The following ANK1 variants were observed in gnomAD, a reference collection of about 807,000 sequenced individuals.
ANK1 encodes the protein ankyrin 1.
Under a neutral mutation model 210.4 loss-of-function variants are expected in ANK1, and 51 were observed. The ratio of observed to expected loss-of-function variants is 0.24; its 90% CI spans 0.19 to 0.31. The LOEUF (loss-of-function observed/expected upper bound fraction) is 0.31. Ranked by LOEUF, ANK1 falls within the 10% of genes least tolerant of loss-of-function variation. ANK1 has a pLI of 1.00. For missense variants in ANK1, 2,051 were observed against 2,504.4 expected (o/e 0.82, Z 3.86); for synonymous variants, 967 against 1,025.9 (o/e 0.94, Z 1.10).
chr8:41,738,535 C>T (rs902618581), intron 2 of ANK1, among the ~76,000 whole-genome samples: 2 of 152,298 alleles, frequency 1.3e-5, no homozygotes, highest in Middle Eastern at 3.4e-3. Flanking sequence ...TCCAAAAGAG[C>T]ATTTTGTGGA....
chr8:41,709,066 C>A, intron 16 of ANK1, 91 bp from the exon 17 acceptor site: 1 of 1,481,100 alleles, frequency 6.8e-7, no homozygotes, highest in Non-Finnish European at 9.3e-7. Context: ...TGGTTCTTGG[C>A]CGGCTGGACA....
At chr8:41,855,845 C>T (rs1400193958) in intron 1 of ANK1, among the ~76,000 whole-genome samples, 4 of 152,108 alleles carry the variant, frequency 2.6e-5, no homozygotes, top group Admixed American at 1.3e-4. Context: ...CAGCTCCTGG[C>T]TCCCTACCAT....
At chr8:41,764,912 C>T (rs1841402032) in intron 1 of ANK1, among the ~76,000 whole-genome samples, 1 of 152,220 alleles carries the variant, frequency 6.6e-6, no homozygotes, top group African/African-American at 2.4e-5. Context: ...GTTTTGTTAT[C>T]TCCTTTTTAT....
intron 37 of ANK1, among the ~76,000 whole-genome samples, chr8:41,675,255 C>A (rs1813761761): frequency 6.6e-6 from 1 of 152,178 alleles, no homozygotes; most frequent in South Asian, 2.1e-4. Context: ...CGCCATGACG[C>A]CTGGCCAATT....
intron 31 of ANK1, among the ~76,000 whole-genome samples, chr8:41,691,456 C>A (rs1031214900): frequency 6.6e-5 from 10 of 152,220 alleles, no homozygotes; most frequent in Non-Finnish European, 1.5e-4. Flanking sequence ...TATAGTCCTG[C>A]ACTTGTTCTC....
At chr8:41,848,395 A>G (rs1200897672) in intron 1 of ANK1, among the ~76,000 whole-genome samples, 1 of 152,190 alleles carries the variant, frequency 6.6e-6, no homozygotes, top group East Asian at 1.9e-4. Flanking sequence ...CGAAGACCTC[A>G]CAGGGGAAGT....
At chr8:41,859,694 T>TATTG (rs1302805335) in intron 1 of ANK1, among the ~76,000 whole-genome samples, 2 of 152,356 alleles carry the variant, frequency 1.3e-5, no homozygotes, top group South Asian at 2.1e-4. Flanking sequence ...AATAAACACT[T>TATTG]ATTGATTGAT....
chr8:41,816,843 C>T (rs1803426628), intron 1 of ANK1, among the ~76,000 whole-genome samples: 2 of 151,218 alleles, frequency 1.3e-5, no homozygotes, highest in Admixed American at 1.3e-4. Flanking sequence ...TTCTTTAAGC[C>T]AATTAAATAG....
intron 1 of ANK1, among the ~76,000 whole-genome samples, chr8:41,817,472 C>T (rs1803522928): frequency 2.0e-5 from 3 of 152,162 alleles, no homozygotes; most frequent in Admixed American, 6.5e-5. Context: ...ATGTGTAAGA[C>T]GAGGACAGTT....
At chr8:41,741,658 T>C (rs765464120) in intron 2 of ANK1, among the ~76,000 whole-genome samples, 1 of 152,176 alleles carries the variant, frequency 6.6e-6, no homozygotes, top group Non-Finnish European at 1.5e-5. Context: ...GCGATTTACG[T>C]GGCCCGCTTC....
upstream of ANK1, among the ~76,000 whole-genome samples, chr8:41,798,296 C>T (rs1849211339): frequency 6.6e-6 from 1 of 152,180 alleles, no homozygotes; most frequent in Non-Finnish European, 1.5e-5. Context: ...GGGCCCCATG[C>T]TGCTTAGTGG....
intron 37 of ANK1, among the ~76,000 whole-genome samples, chr8:41,678,641 C>T (rs1002606773): frequency 1.3e-5 from 2 of 152,228 alleles, no homozygotes; most frequent in Admixed American, 6.5e-5. Flanking sequence ...CTAATCCCAT[C>T]CAGTGTATTG....
At chr8:41,789,165 A>C (rs11995974) in intron 1 of ANK1, 58,237 of 152,122 alleles carry the variant, frequency 0.38, 11,637 homozygotes, top group Middle Eastern at 0.5. Context: ...TGAGAACAAG[A>C]GACTGTGTGA....
chr8:41,675,316 C>T (rs139183594), intron 37 of ANK1, among the ~76,000 whole-genome samples: 2,490 of 152,248 alleles, frequency 0.016, 28 homozygotes, highest in Non-Finnish European at 0.026. Flanking sequence ...AGGCTGGTCT[C>T]GAACTGCTGA....
Position 41,710,152 on chromosome 8 carries a change from C to T in ANK1, c.1801-1177G>A, listed in dbSNP as rs138497691. Among the ~76,000 whole-genome samples the T allele has an allele frequency of 6.4e-4, 98 of 152,294 alleles. 2 individuals are homozygous for T. The East Asian group carries it at 0.016, about 25-fold the overall frequency. On this transcript the variant is annotated intron_variant, in intron 16 of 42. Coordinates refer to ENST00000289734, the MANE Select transcript of ANK1 (RefSeq NM_000037.4). ...CAGCGCATGGGTTTACATTCTGGAG[C>T]ACACTCCTTATCTCCCTGCAGGCAA...
In ANK1 at chr8:41,896,270, C is replaced by T. The variant is rs1407226392; in HGVS notation, c.126+85G>A. The T allele has an allele frequency of 3.4e-6, 5 of 1,453,848 alleles. No homozygotes were observed. In the African/African-American group the frequency reaches 7.5e-5, roughly 22 times the overall value. 90.1% of individuals were successfully genotyped at this position (1,453,848 alleles called of 1,614,324 possible). A position where few individuals can be genotyped will look rare whatever the true frequency, so the allele number is the denominator to read the frequency against. ...CGCCGCACCGGGCGCCGCGCCCCAC[C>T]GCGTCCCGGGCCGCCCGACCCCTGC... On this transcript the variant is annotated intron_variant, in intron 1 of 42. Transcript: ENST00000265709.
chr8:41,680,870 C>T (rs1457533384), intron 37 of ANK1, among the ~76,000 whole-genome samples: 2 of 152,226 alleles, frequency 1.3e-5, no homozygotes, highest in Non-Finnish European at 2.9e-5. Context: ...CTGGATCCCC[C>T]AGGGTGAGTT....
chr8:41,816,256 T>C (rs1432618225), intron 1 of ANK1, among the ~76,000 whole-genome samples: 2 of 152,218 alleles, frequency 1.3e-5, no homozygotes, highest in African/African-American at 4.8e-5. Context: ...AATTGGACTT[T>C]TGTCTTACTG....
At chr8:41,758,255 C>T (rs954464181) in intron 1 of ANK1, 118 bp from the exon 2 acceptor site, 9 of 890,134 alleles carry the variant, frequency 1.0e-5, no homozygotes, top group Non-Finnish European at 1.7e-5. Context: ...ACCCTGGTGC[C>T]CACAGTGACA....
Sources: allele counts gnomAD v4.1 joint callset (sites outside exome capture counted in the v4.1 genomes callset), GRCh38; gene constraint gnomAD v4.1.1; transcripts MANE v1.5; gene names NCBI Gene and HGNC (gene_info 2026-07-23, HGNC 2026-07-21).